Variants in BUB1 observed in about 807,000 individuals in gnomAD.
BUB1 encodes mitotic checkpoint serine/threonine-protein kinase BUB1.
A neutral mutation model predicts 135.2 loss-of-function variants in BUB1; 84 were observed. That is an observed-to-expected ratio of 0.62 (90% CI 0.52 to 0.74). The LOEUF is 0.74. Among genes scored for constraint, BUB1 ranks in the 30% least tolerant of loss-of-function variants. The probability of loss-of-function intolerance (pLI) is 0.00; values close to 1 mark genes in which losing one functional copy is unlikely to be tolerated. For synonymous variants in BUB1, 403 were observed against 434.4 expected, an observed-to-expected ratio of 0.93 and a Z score of 0.90; for missense variants, 1,162 against 1,288.3, an observed-to-expected ratio of 0.90 and a Z score of 1.50.
intron 7 of BUB1, 45 bp from the exon 8 acceptor site, chr2:110,667,750 G>C (rs377525168): frequency 6.8e-5 from 109 of 1,609,288 alleles, no homozygotes; most frequent in Non-Finnish European, 9.1e-5. Flanking sequence ...GTACCTAAGA[G>C]CACTTAAAGG....
chr2:110,657,548 A>G lies in BUB1; in HGVS notation c.1614T>C (p.Tyr538=). The G allele has an allele frequency of 6.3e-7, 1 of 1,596,658 alleles. No individual in the cohort carries two copies. Residue 538 remains tyrosine (Y), a splice_region_variant and synonymous_variant, in exon 14 of 25, where the codon TAT becomes TAC. Coordinates refer to ENST00000302759, the MANE Select transcript of BUB1 (RefSeq NM_004336.5). ...TTAACTAGATGGTATTTTTTTACCC[A>G]TAATTTTCTTTGTTTCCATCTTCAA... The part of the protein sequence containing the change: ...HVFEDGNKEN[Y]GLPQPKNKPT...
At chr2:110,676,103 C>CA (rs1271605636) in intron 1 of BUB1, among the ~76,000 whole-genome samples, 4 of 150,942 alleles carry the variant, frequency 2.7e-5, no homozygotes, top group Non-Finnish European at 3.0e-5. Context: ...CCAAAACAAA[C>CA]AAAAAAACCA....
chr2:110,674,994 G>A (rs1051512887), intron 1 of BUB1: 1 of 154,238 alleles, frequency 6.5e-6, no homozygotes, highest in Non-Finnish European at 1.4e-5. Context: ...AAACGGGTGT[G>A]AGGCAGCCCA....
At chr2:110,657,944 C>T (rs1458269721) in intron 13 of BUB1, among the ~76,000 whole-genome samples, 2 of 152,160 alleles carry the variant, frequency 1.3e-5, no homozygotes, top group Non-Finnish European at 2.9e-5. Flanking sequence ...CTCAGGGTTT[C>T]GTTTTCCATT....
At chr2:110,665,436 G>A (rs1690218842) in intron 9 of BUB1, among the ~76,000 whole-genome samples, 1 of 151,896 alleles carries the variant, frequency 6.6e-6, no homozygotes, top group African/African-American at 2.4e-5. Context: ...AAAAAATTAG[G>A]TGGGTGTGGT....
At chr2:110,646,693 A>G (rs112092500) in intron 19 of BUB1, among the ~76,000 whole-genome samples, 5 of 152,340 alleles carry the variant, frequency 3.3e-5, no homozygotes, top group African/African-American at 1.2e-4. Context: ...CTCAAGAGAA[A>G]TTTAAAAATA....
At chr2:110,642,008 A>G in intron 20 of BUB1, 111 bp downstream of exon 20, 1 of 999,626 alleles carries the variant, frequency 1.0e-6, no homozygotes, top group Non-Finnish European at 1.5e-6. Context: ...TTAATTGCCA[A>G]CTGTAGATAT....
At chr2:110,675,800 T>G (rs761599961) in intron 1 of BUB1, among the ~76,000 whole-genome samples, 14 of 152,148 alleles carry the variant, frequency 9.2e-5, no homozygotes, top group Non-Finnish European at 1.3e-4. Context: ...TACAGGCACA[T>G]GCCACCATGT....
chr2:110,675,586 TTCTA>T (rs1690554658), intron 1 of BUB1, among the ~76,000 whole-genome samples: 1 of 152,044 alleles, frequency 6.6e-6, no homozygotes, highest in Admixed American at 6.5e-5. Flanking sequence ...CTCCGAGGTT[TTCTA>T]TCTGAGACAC....
At chr2:110,667,945 A>G (rs1297304285) in intron 6 of BUB1, 96 bp from the exon 7 acceptor site, 1 of 1,134,184 alleles carries the variant, frequency 8.8e-7, no homozygotes, top group Non-Finnish European at 1.3e-6. Flanking sequence ...CTTGAGGGGA[A>G]GAGGGACCTT....
chr2:110,641,078 A>T lies in BUB1; in HGVS notation c.2911T>A (p.Phe971Ile). 1 of 1,610,194 alleles carries T rather than the reference A, an allele frequency of 6.2e-7. No homozygotes were observed. The highest frequency in any genetic ancestry group is 8.5e-7 in the Non-Finnish European group (1 of 1,178,668). ...TTGCTGAGCATCTCAACACACTGAA[A>T]ACCAGATGTTTCACACTTTGCTGTG... ...IFTAKCETSG[F>I]QCVEMLSNKP... The change falls in exon 23 of 25, where the codon TTT becomes ATT. Residue 971 changes from phenylalanine to isoleucine, a missense_variant. Physicochemically the swap from Phe to Ile is conservative, Grantham distance 21. Transcript: ENST00000302759.
intron 16 of BUB1, among the ~76,000 whole-genome samples, chr2:110,654,138 G>A (rs977868942): frequency 1.3e-5 from 2 of 152,112 alleles, no homozygotes; most frequent in South Asian, 2.1e-4. Flanking sequence ...TTACTGGTAC[G>A]GATGGCAGGG....
chr2:110,651,446 T>C (rs1266939722), intron 17 of BUB1, among the ~76,000 whole-genome samples: 1 of 152,212 alleles, frequency 6.6e-6, no homozygotes, highest in African/African-American at 2.4e-5. Flanking sequence ...TATTTTTGTA[T>C]AGTTGTACAA....
chr2:110,649,814 T>C (rs1210834838), intron 18 of BUB1, among the ~76,000 whole-genome samples: 1 of 152,232 alleles, frequency 6.6e-6, no homozygotes, highest in Non-Finnish European at 1.5e-5. Flanking sequence ...AATTTGCATA[T>C]ATGAGATATA....
chr2:110,677,526 C>T (rs1690623641), intron 1 of BUB1, among the ~76,000 whole-genome samples: 1 of 151,980 alleles, frequency 6.6e-6, no homozygotes, highest in African/African-American at 2.4e-5. Context: ...TATTCAAAGA[C>T]TTTTAAAAAA....
Position 110,657,099 on chromosome 2 carries a change from A to T in BUB1, c.1635T>A (p.Asn545Lys). ...KENYGLPQPK[N>K]KPTGARTFGE... ...CAAAGGTCCTGGCTCCTGTGGGTTT[A>T]TTTTTAGGCTGTGGTAATCTAAGGA... is the stretch of plus-strand genomic sequence containing the variant. Residue 545 changes from asparagine to lysine, a missense_variant, in exon 15 of 25, where the codon AAT (asparagine) becomes AAA (lysine). Transcript: ENST00000302759. The T allele has an allele frequency of 1.2e-6, 2 of 1,612,852 alleles. No homozygotes were observed. The highest frequency in any genetic ancestry group is 1.7e-6 in the Non-Finnish European group (2 of 1,179,388).
chr2:110,650,622 T>C lies in BUB1; in HGVS notation c.2127A>G (p.Glu709=). Residue 709 remains glutamate, a synonymous_variant, in exon 18 of 25, where the codon GAA becomes GAG. Coordinates refer to ENST00000302759, the MANE Select transcript of BUB1 (RefSeq NM_004336.5). The part of the protein sequence containing the change: ...RLTDTDAAIA[E]DPPDAIAGLQ... ...GCCCAGCAATAGCATCTGGTGGATC[T>C]TCTGCAATGGCAGCGTCAGTGTCTG... The C allele has an allele frequency of 6.2e-7, 1 of 1,614,012 alleles. No homozygotes were observed. Among genetic ancestry groups the C allele is most frequent in the Non-Finnish European group, 8.5e-7 (1 of 1,179,970 alleles).
At chr2:110,647,293 T>G (rs903516180) in intron 19 of BUB1, among the ~76,000 whole-genome samples, 51 of 151,916 alleles carry the variant, frequency 3.4e-4, no homozygotes, top group Non-Finnish European at 1.5e-5. Context: ...TACAAACATC[T>G]TCAGCAAAAT....
chr2:110,677,891 C>A lies in BUB1; in HGVS notation c.26+79G>T, dbSNP rs572022510. 3.7e-4 allele frequency: 549 copies of A among 1,495,100 alleles called. 3 individuals carry two copies. The South Asian group carries it at 6.2e-3, about 17-fold the overall frequency. 92.6% of individuals were successfully genotyped at this position (1,495,100 alleles called of 1,614,324 possible). A position where few individuals can be genotyped will look rare whatever the true frequency, so the allele number is the denominator to read the frequency against. ...AGGGGGCGAAGGGGGCAAAAGAAGG[C>A]AGGTCTGGGGCGGGCCGGGCCCGAA... On this transcript the variant is annotated intron_variant, in intron 1 of 24. Transcript: ENST00000302759.
Sources: gnomAD v4.1 joint callset for allele counts (sites outside exome capture counted in the v4.1 genomes callset) on GRCh38, gnomAD v4.1.1 for gene constraint, MANE v1.5 for transcripts, NCBI Gene and HGNC (gene_info 2026-07-23, HGNC 2026-07-21) for gene names.